Variants in SFMBT1 observed in about 807,000 individuals in gnomAD.
SFMBT1 encodes Scm like with four mbt domains 1.
Under a neutral mutation model 108.7 loss-of-function variants are expected in SFMBT1, and 32 were observed. That is an observed-to-expected ratio of 0.29 (90% CI 0.22 to 0.40). The LOEUF is 0.40. SFMBT1 is among the 10% of genes least tolerant of loss of function. The probability of loss-of-function intolerance (pLI) is 1.00; values close to 1 mark genes in which losing one functional copy is unlikely to be tolerated. For missense variants in SFMBT1, 816 were observed against 1,059.6 expected (o/e 0.77, Z 3.19); for synonymous variants, 348 against 369.5 (o/e 0.94, Z 0.67).
intron 2 of SFMBT1, among the ~76,000 whole-genome samples, chr3:52,968,632 C>T (rs1704231238): frequency 6.9e-6 from 1 of 145,374 alleles, no homozygotes; most frequent in African/African-American, 2.5e-5. Flanking sequence ...AGGAGTCTCG[C>T]TCTGTTGCAC....
intron 1 of SFMBT1, among the ~76,000 whole-genome samples, chr3:53,033,246 C>T (rs1400604810): frequency 2.0e-5 from 3 of 151,952 alleles, no homozygotes; most frequent in African/African-American, 4.8e-5. Context: ...CTGCAGTCTC[C>T]GCCTCCCAGG....
chr3:52,924,785 T>C (rs1319801609), intron 10 of SFMBT1, among the ~76,000 whole-genome samples: 1 of 152,220 alleles, frequency 6.6e-6, no homozygotes, highest in African/African-American at 2.4e-5. Flanking sequence ...GTGTTAGGAA[T>C]GACAGATTTC....
At chr3:52,974,719 G>A (rs900650269) in intron 1 of SFMBT1, among the ~76,000 whole-genome samples, 4 of 151,850 alleles carry the variant, frequency 2.6e-5, no homozygotes, top group South Asian at 2.1e-4. Context: ...GGCCAGGCAC[G>A]GTGGCTCACG....
chr3:53,027,658 G>T (rs1321834526), intron 1 of SFMBT1, among the ~76,000 whole-genome samples: 2 of 152,200 alleles, frequency 1.3e-5, no homozygotes, highest in African/African-American at 4.8e-5. Context: ...AAGTCCTAGT[G>T]TGCACATGGG....
chr3:52,952,214 C>T (rs900820218), intron 3 of SFMBT1, among the ~76,000 whole-genome samples: 24 of 152,016 alleles, frequency 1.6e-4, no homozygotes, highest in African/African-American at 5.1e-4. Context: ...AAAAATTGGC[C>T]GGGTGTGATG....
At chr3:53,033,270 C>T (rs981083852) in intron 1 of SFMBT1, among the ~76,000 whole-genome samples, 1 of 152,022 alleles carries the variant, frequency 6.6e-6, no homozygotes, top group Non-Finnish European at 1.5e-5. Flanking sequence ...CGGCAATTCT[C>T]CTGCCTCAGC....
intron 3 of SFMBT1, among the ~76,000 whole-genome samples, chr3:52,952,054 G>A (rs958703144): frequency 1.3e-5 from 2 of 152,076 alleles, no homozygotes; most frequent in Non-Finnish European, 2.9e-5. Flanking sequence ...TTTTACACAC[G>A]GAAAACTAAA....
At chr3:53,026,957 A>AT (rs1327435014) in intron 1 of SFMBT1, among the ~76,000 whole-genome samples, 4 of 151,984 alleles carry the variant, frequency 2.6e-5, no homozygotes, top group African/African-American at 4.8e-5. Flanking sequence ...TAATTTTTCA[A>AT]TTTTTTGTAG....
Position 52,934,861 on chromosome 3 carries a change from C to T in SFMBT1, c.405G>A (p.Arg135=). ...DKVSDWDEFL[R]QTLIGACSPP... ...GACTACATGCTCCTATCAGGGTCTG[C>T]CGCAGAAACTCATCCCAGTCAGATA... The change falls in exon 5 of 21, where the codon CGG becomes CGA. Residue 135 remains arginine, a synonymous_variant. Coordinates refer to ENST00000394752, the MANE Select transcript of SFMBT1 (RefSeq NM_016329.4). 6.2e-7 allele frequency: 1 copy of T among 1,613,618 alleles called. No homozygotes were observed. Among genetic ancestry groups the T allele is most frequent in the South Asian group, 1.1e-5 (1 of 90,970 alleles).
Position 52,920,617 on chromosome 3 carries a change from C to T in SFMBT1, c.1292G>A (p.Ser431Asn), listed in dbSNP as rs1702495006. The stretch of plus-strand genomic sequence containing the variant: ...AGGAAATATATCCATGGATTCCACA[C>T]TCACAATACATTCAGGTATAGGCTT... ...SKKPIPECIV[S>N]VESMDIFPLG... Residue 431 changes from serine (S) to asparagine (N), a missense_variant, in exon 12 of 21, where the codon AGT becomes AAT. This residue lies in a region of SFMBT1 where 495 missense variants were observed against 607.4 expected (regional missense o/e 0.81). Transcript: ENST00000394752. The T allele has an allele frequency of 3.1e-6, 5 of 1,613,976 alleles. No individual in the cohort carries two copies. The highest frequency in any genetic ancestry group is 4.2e-6 in the Non-Finnish European group (5 of 1,179,886).
chr3:53,033,369 C>T (rs1380544840), intron 1 of SFMBT1, among the ~76,000 whole-genome samples: 3 of 152,048 alleles, frequency 2.0e-5, no homozygotes, highest in Non-Finnish European at 4.4e-5. Flanking sequence ...CCATGTTGGC[C>T]AGGCTGGTCT....
chr3:52,980,609 C>T lies in SFMBT1; in HGVS notation c.-130-11351G>A, dbSNP rs569147414. Among the ~76,000 whole-genome samples the T allele has an allele frequency of 4.7e-5, 7 of 150,490 alleles. No individual in the cohort carries two copies. The East Asian group carries it at 1.2e-3, about 25-fold the overall frequency. ...AATAGATTGAGGTCTACAGCTGCAG[C>T]TGCCTCCATTTCAAGATAAGTAAAT... On this transcript the variant is annotated intron_variant, in intron 1 of 20. Transcript: ENST00000394752.
intron 1 of SFMBT1, among the ~76,000 whole-genome samples, chr3:52,997,670 T>C (rs961043291): frequency 3.3e-5 from 5 of 150,686 alleles, no homozygotes; most frequent in African/African-American, 1.2e-4. Context: ...TGGATGATTC[T>C]ATTTATGTGA....
At chr3:52,989,256 T>C (rs1325342092) in intron 1 of SFMBT1, among the ~76,000 whole-genome samples, 1 of 152,030 alleles carries the variant, frequency 6.6e-6, no homozygotes, top group Non-Finnish European at 1.5e-5. Flanking sequence ...ATTATTGGTA[T>C]AATTTTCAAT....
intron 1 of SFMBT1, among the ~76,000 whole-genome samples, chr3:52,995,003 CAAGAAAGA>C (rs536013982): frequency 1.4e-4 from 17 of 120,840 alleles, no homozygotes; most frequent in Admixed American, 1.3e-3. Flanking sequence ...ACTGTAGCAT[CAAGAAAGA>C]AAGAAAGAAA....
chr3:52,959,850 T>TTTG lies in SFMBT1; in HGVS notation c.29-5442_29-5440dup, dbSNP rs369557544. The stretch of plus-strand genomic sequence containing the variant: ...ACTCCCTAAGAGCAGGGATGGTTGT[T>TTTG]TTGTTGTTGTTGTTGTTGTTGTTGT... On this transcript the variant is annotated intron_variant, in intron 2 of 20. Coordinates refer to ENST00000394752, the MANE Select transcript of SFMBT1 (RefSeq NM_016329.4). 2.1e-3 allele frequency among the ~76,000 whole-genome samples: 318 copies of TTTG among 151,834 alleles called. 3 individuals carry two copies. The highest frequency in any genetic ancestry group is 0.014 in the South Asian group (67 of 4,790).
At chr3:52,934,430 C>CAA (rs34039062) in intron 5 of SFMBT1, among the ~76,000 whole-genome samples, 21 of 114,302 alleles carry the variant, frequency 1.8e-4, no homozygotes, top group African/African-American at 6.5e-4. Flanking sequence ...GTGTTCCAAG[C>CAA]AAAAAAAAAA....
intron 1 of SFMBT1, among the ~76,000 whole-genome samples, chr3:52,983,428 T>C (rs1178895978): frequency 1.3e-5 from 2 of 152,226 alleles, no homozygotes; most frequent in East Asian, 1.9e-4. Flanking sequence ...AGTAAAGTTT[T>C]TGAGAAGTCA....
chr3:53,042,739 T>G (rs9818819), intron 1 of SFMBT1, among the ~76,000 whole-genome samples: 45,240 of 152,210 alleles, frequency 0.3, 7,128 homozygotes, highest in East Asian at 0.49. Context: ...GTGTATCTCT[T>G]TAGTTGCTTC....
Sources: allele counts gnomAD v4.1 joint callset (sites outside exome capture counted in the v4.1 genomes callset), GRCh38; gene constraint gnomAD v4.1.1; regional missense constraint gnomAD v4.1.1; transcripts MANE v1.5; gene names NCBI Gene and HGNC (gene_info 2026-07-23, HGNC 2026-07-21).